Variants in VSTM4 observed in about 807,000 individuals in gnomAD.
The protein encoded by VSTM4 is V-set and transmembrane domain-containing protein 4.
VSTM4 carries 20 observed loss-of-function variants against 36.4 expected under a neutral mutation model. The observed-to-expected ratio is 0.55, with a 90% CI of 0.39 to 0.80. VSTM4 has a LOEUF of 0.80. VSTM4 is among the 30% of genes least tolerant of loss of function. The pLI is 0.00. For missense variants in VSTM4, 392 were observed against 404.5 expected (o/e 0.97, Z 0.26); for synonymous variants, 182 against 173.9 (o/e 1.05, Z -0.37).
intron 4 of VSTM4, among the ~76,000 whole-genome samples, chr10:49,069,811 T>G (rs117414772): frequency 1.3e-5 from 2 of 152,214 alleles, no homozygotes; most frequent in Non-Finnish European, 2.9e-5. Flanking sequence ...AGGACCAGCA[T>G]GCACAGCTGT....
At chr10:49,089,662 C>T (rs192976754) in intron 2 of VSTM4, among the ~76,000 whole-genome samples, 1 of 152,310 alleles carries the variant, frequency 6.6e-6, no homozygotes, top group East Asian at 1.9e-4. Context: ...GGTGCAGCAA[C>T]TTTGGCATCT....
Position 49,019,560 on chromosome 10 carries a change from T to G in VSTM4, c.*90A>C. On this transcript the variant is annotated 3_prime_UTR_variant, in exon 8 of 8. Transcript: ENST00000332853. ...CTCCCCACCACTCAGAAGGCATGAG[T>G]GAAAATACAGACATAAGGGCTTTGT... 6.8e-7 allele frequency: 1 copy of G among 1,462,140 alleles called. No homozygotes were observed. The highest frequency in any genetic ancestry group is 2.4e-5 in the East Asian group (1 of 41,520). The allele number at this position is 1,462,140 out of a possible 1,614,324, so 90.6% of individuals were successfully genotyped here. A position where few individuals can be genotyped will look rare whatever the true frequency, so the allele number is the denominator to read the frequency against.
intron 2 of VSTM4, among the ~76,000 whole-genome samples, chr10:49,092,319 C>G (rs1425957294): frequency 6.6e-6 from 1 of 152,156 alleles, no homozygotes; most frequent in East Asian, 1.9e-4. Flanking sequence ...CTTGGAGAGT[C>G]TCTGTCATGT....
intron 7 of VSTM4, among the ~76,000 whole-genome samples, chr10:49,023,694 A>C (rs1248534069): frequency 1.3e-5 from 2 of 152,212 alleles, no homozygotes; most frequent in African/African-American, 4.8e-5. Context: ...CAGCATCTCT[A>C]AAAATGAATG....
chr10:49,065,099 C>T lies in VSTM4; in HGVS notation c.635-363G>A, dbSNP rs187586712. ...GCCCTCTTGAGGCCAGATGGAATAA[C>T]GTGTCCATTTAGAAGCTCCTCATTG... On this transcript the variant is annotated intron_variant, in intron 4 of 7. Coordinates refer to ENST00000332853, the MANE Select transcript of VSTM4 (RefSeq NM_001031746.5). Among the ~76,000 whole-genome samples the T allele has an allele frequency of 9.2e-5, 14 of 152,284 alleles. No homozygotes were observed. In the East Asian group the frequency reaches 1.9e-3, roughly 21 times the overall value.
intron 5 of VSTM4, among the ~76,000 whole-genome samples, chr10:49,055,029 C>T (rs937928230): frequency 4.6e-5 from 7 of 152,198 alleles, no homozygotes; most frequent in African/African-American, 7.2e-5. Flanking sequence ...TGAGTAGATG[C>T]CCCTCCTCCT....
chr10:49,039,576 G>GGTAGC (rs1564569845), intron 7 of VSTM4, among the ~76,000 whole-genome samples: 1 of 152,104 alleles, frequency 6.6e-6, no homozygotes, highest in Non-Finnish European at 1.5e-5. Context: ...GAGAACAGGG[G>GGTAGC]TGGCCTGACC....
At chr10:49,101,146 G>C (rs1844658432) in intron 2 of VSTM4, among the ~76,000 whole-genome samples, 3 of 151,660 alleles carry the variant, frequency 2.0e-5, no homozygotes, top group Non-Finnish European at 4.4e-5. Flanking sequence ...ACAAAACCAA[G>C]GTACCATGTA....
intron 4 of VSTM4, among the ~76,000 whole-genome samples, chr10:49,076,851 C>T (rs1305596799): frequency 6.6e-6 from 1 of 152,188 alleles, no homozygotes; most frequent in Non-Finnish European, 1.5e-5. Context: ...TGTCAATCTC[C>T]TTTCATAAAT....
chr10:49,105,392 G>C (rs80122171), intron 2 of VSTM4, among the ~76,000 whole-genome samples: 5,906 of 151,286 alleles, frequency 0.039, 208 homozygotes, highest in Non-Finnish European at 0.044. Context: ...CAGAAAGAGA[G>C]AGAAAGAGGG....
rs1161098622 is a variant in VSTM4 at position 49,047,057 on chromosome 10, GTCAAGGGTTTAGCT to G, written c.776-27_776-14del. 4 of 1,614,056 alleles carry G rather than the reference GTCAAGGGTTTAGCT, an allele frequency of 2.5e-6. No homozygotes were observed. The highest frequency in any genetic ancestry group is 2.5e-6 in the Non-Finnish European group (3 of 1,179,924). ...GGGGCTATCGGAGCTGTGGAAGTAG[GTCAAGGGTTTAGCT>G]TGCAGTTCCTCCCAGAACACTTAGT... On this transcript the variant is annotated splice_polypyrimidine_tract_variant and intron_variant, in intron 6 of 7. Coordinates refer to ENST00000332853, the MANE Select transcript of VSTM4 (RefSeq NM_001031746.5).
In VSTM4 at chr10:49,016,617, A is replaced by G. The variant is rs1441029898; in HGVS notation, c.*3033T>C. On this transcript the variant is annotated 3_prime_UTR_variant, in exon 8 of 8. Transcript: ENST00000332853. ...CTTTGGGCTCATTGCTGTGTGGGCCAGCCCACATTATCATACACTAAAAAT... is the reference window on the plus strand; with the variant it reads ...CTTTGGGCTCATTGCTGTGTGGGCCGGCCCACATTATCATACACTAAAAAT... The G allele has an allele frequency of 1.3e-5, 2 of 152,266 alleles. No homozygotes were observed. The highest frequency in any genetic ancestry group is 2.9e-5 in the Non-Finnish European group (2 of 68,056). The allele number at this position is 152,266 out of a possible 1,614,324, so 9.4% of individuals were successfully genotyped here.
intron 7 of VSTM4, among the ~76,000 whole-genome samples, chr10:49,023,769 C>T (rs569139206): frequency 4.6e-5 from 7 of 152,278 alleles, no homozygotes; most frequent in African/African-American, 1.7e-4. Flanking sequence ...CAAGCCCCCA[C>T]CCTACTCTGG....
chr10:49,103,853 G>A (rs1844714846), intron 2 of VSTM4: 2 of 1,613,902 alleles, frequency 1.2e-6, no homozygotes, highest in Non-Finnish European at 1.7e-6. Context: ...CTGGATGGCT[G>A]GAGACTCCTG....
Position 49,016,174 on chromosome 10 carries a change from T to C in VSTM4, c.*3476A>G, listed in dbSNP as rs1420115018. 1 of 152,262 alleles carries C rather than the reference T, an allele frequency of 6.6e-6. No homozygotes were observed. Among genetic ancestry groups the C allele is most frequent in the Non-Finnish European group, 1.5e-5 (1 of 68,076 alleles). 9.4% of individuals were successfully genotyped at this position (152,262 alleles called of 1,614,324 possible). A position where few individuals can be genotyped will look rare whatever the true frequency, so the allele number is the denominator to read the frequency against. On this transcript the variant is annotated 3_prime_UTR_variant, in exon 8 of 8. Coordinates refer to ENST00000332853, the MANE Select transcript of VSTM4 (RefSeq NM_001031746.5). Reference sequence around the variant, plus strand: ...TTCCTGTTCTGGGAAGCAACTTTGATGCATACTGTATTCATATTCTTTATG... The same window carrying C: ...TTCCTGTTCTGGGAAGCAACTTTGACGCATACTGTATTCATATTCTTTATG...
At chr10:49,040,444 G>A (rs571811784) in intron 7 of VSTM4, among the ~76,000 whole-genome samples, 23 of 152,058 alleles carry the variant, frequency 1.5e-4, no homozygotes, top group African/African-American at 4.8e-4. Flanking sequence ...CACCATGCCC[G>A]GCTAATTTTT....
intron 5 of VSTM4, among the ~76,000 whole-genome samples, chr10:49,055,283 A>G (rs2131968088): frequency 6.6e-6 from 1 of 152,278 alleles, no homozygotes; most frequent in South Asian, 2.1e-4. Flanking sequence ...AGAAACGTCC[A>G]TGTATTTCCT....
At chr10:49,084,098 G>C (rs1006014415) in intron 3 of VSTM4, among the ~76,000 whole-genome samples, 2 of 152,114 alleles carry the variant, frequency 1.3e-5, no homozygotes, top group Non-Finnish European at 2.9e-5. Flanking sequence ...ACATCAATGG[G>C]GTTGCCTCAA....
At chr10:49,075,121 C>T (rs893095291) in intron 4 of VSTM4, among the ~76,000 whole-genome samples, 1 of 152,262 alleles carries the variant, frequency 6.6e-6, no homozygotes, top group Non-Finnish European at 1.5e-5. Flanking sequence ...CTGAGGCCCA[C>T]TCCAGTGGGG....
Sources: allele counts gnomAD v4.1 joint callset (sites outside exome capture counted in the v4.1 genomes callset), GRCh38; gene constraint gnomAD v4.1.1; transcripts MANE v1.5; gene names NCBI Gene and HGNC (gene_info 2026-07-23, HGNC 2026-07-21).